Variants in CHST9 observed in about 807,000 individuals in gnomAD.
CHST9 encodes GalNAc-4-sulfotransferase 2.
In CHST9, 41 loss-of-function variants were observed where a neutral mutation model predicts 44.4. The ratio of observed to expected loss-of-function variants is 0.92; its 90% CI spans 0.72 to 1.20. The LOEUF is 1.20. Among genes scored for constraint, CHST9 ranks in the 50% most tolerant of loss-of-function variants. CHST9 has a pLI of 0.00. For synonymous variants in CHST9, 171 were observed against 178.4 expected, an observed-to-expected ratio of 0.96 and a Z score of 0.33; for missense variants, 504 against 516.5, an observed-to-expected ratio of 0.98 and a Z score of 0.23.
chr18:27,151,579 T>C (rs1226370318), intron 1 of CHST9, among the ~76,000 whole-genome samples: 2 of 152,212 alleles, frequency 1.3e-5, no homozygotes, highest in Non-Finnish European at 2.9e-5. Flanking sequence ...GGGAGATCAT[T>C]CTGGATCATC....
intron 1 of CHST9, among the ~76,000 whole-genome samples, chr18:27,171,677 G>T (rs1315148604): frequency 6.6e-6 from 1 of 151,986 alleles, no homozygotes; most frequent in Non-Finnish European, 1.5e-5. Flanking sequence ...TTCTAAACTG[G>T]TCAGTAAATA....
At chr18:27,147,485 G>A (rs2058622560) in intron 1 of CHST9, among the ~76,000 whole-genome samples, 1 of 152,064 alleles carries the variant, frequency 6.6e-6, no homozygotes, top group Non-Finnish European at 1.5e-5. Flanking sequence ...GTTCCCAGAT[G>A]AGTGTTGGTA....
chr18:27,157,198 T>C (rs2058704180), intron 1 of CHST9, among the ~76,000 whole-genome samples: 1 of 152,130 alleles, frequency 6.6e-6, no homozygotes. Context: ...GAAGATTGAT[T>C]TTTTTCCTTC....
chr18:26,913,366 T>G lies in CHST9; in HGVS notation c.*2893A>C, dbSNP rs458473. The G allele has an allele frequency of 4.1e-4, 63 of 152,254 alleles. No homozygotes were observed. Among genetic ancestry groups the G allele is most frequent in the African/African-American group, 1.5e-3 (63 of 41,546 alleles). 9.4% of individuals were successfully genotyped at this position (152,254 alleles called of 1,614,324 possible). A position where few individuals can be genotyped will look rare whatever the true frequency, so the allele number is the denominator to read the frequency against. On this transcript the variant is annotated 3_prime_UTR_variant, in exon 6 of 6. Coordinates refer to ENST00000618847, the MANE Select transcript of CHST9 (RefSeq NM_031422.6). ...CATTGAATTAATGGATATTTCCAAA[T>G]GTTTGAGAAAATCCGAAAACTGGAT...
intron 4 of CHST9, among the ~76,000 whole-genome samples, chr18:27,012,524 G>A (rs2057097418): frequency 6.6e-6 from 1 of 152,154 alleles, no homozygotes; most frequent in African/African-American, 2.4e-5. Flanking sequence ...TATCTCAGGG[G>A]TGGACGAGGC....
chr18:26,996,451 G>C (rs2056889266), intron 4 of CHST9, among the ~76,000 whole-genome samples: 1 of 152,158 alleles, frequency 6.6e-6, no homozygotes, highest in South Asian at 2.1e-4. Flanking sequence ...GTTCTTCAGA[G>C]ATCTGGTTGT....
chr18:27,077,049 T>C (rs2143666554), intron 2 of CHST9, among the ~76,000 whole-genome samples: 1 of 152,358 alleles, frequency 6.6e-6, no homozygotes, highest in South Asian at 2.1e-4. Context: ...GTTCTTATAA[T>C]GTGCATAAAA....
chr18:27,012,900 A>T (rs1270021763), intron 4 of CHST9, among the ~76,000 whole-genome samples: 1 of 152,218 alleles, frequency 6.6e-6, no homozygotes, highest in East Asian at 1.9e-4. Flanking sequence ...CTGGATATTA[A>T]ATTATATCTA....
intron 3 of CHST9, among the ~76,000 whole-genome samples, chr18:27,034,613 C>T (rs2057372581): frequency 1.3e-5 from 2 of 152,202 alleles, no homozygotes; most frequent in South Asian, 4.1e-4. Flanking sequence ...ATGCTCCAGC[C>T]ATGTCAACTT....
At chr18:27,158,842 T>C (rs530586545) in intron 1 of CHST9, among the ~76,000 whole-genome samples, 3 of 152,308 alleles carry the variant, frequency 2.0e-5, no homozygotes, top group Non-Finnish European at 2.9e-5. Context: ...GATTTGCATT[T>C]CTCTGATGGC....
At chr18:27,053,218 GGAAGAAGAAGAAGAA>G in intron 2 of CHST9, among the ~76,000 whole-genome samples, 1 of 32,324 alleles carries the variant, frequency 3.1e-5, no homozygotes, top group Non-Finnish European at 6.6e-5. Context: ...AGGAGGAAGA[GGAAGAAGAAGAAGAA>G]GAAGAAGAAG....
chr18:26,999,892 C>T (rs1154208), intron 4 of CHST9, among the ~76,000 whole-genome samples: 52,933 of 151,980 alleles, frequency 0.35, 9,838 homozygotes, highest in East Asian at 0.47. Flanking sequence ...GGTACTTAGA[C>T]GTTAAGTGGG....
intron 3 of CHST9, among the ~76,000 whole-genome samples, chr18:27,027,418 A>C (rs1266495099): frequency 6.6e-6 from 1 of 152,232 alleles, no homozygotes; most frequent in African/African-American, 2.4e-5. Context: ...GGATGCAAAG[A>C]AAAAAATAAT....
In CHST9 at chr18:26,914,974, CTT is replaced by C. The variant is rs35598737; in HGVS notation, c.*1283_*1284del. The C allele has an allele frequency of 6.2e-4, 245 of 396,040 alleles. No individual in the cohort carries two copies. The highest frequency in any genetic ancestry group is 4.2e-3 in the African/African-American group (201 of 48,324). The allele number at this position is 396,040 out of a possible 1,614,324, so 24.5% of individuals were successfully genotyped here. A position where few individuals can be genotyped will look rare whatever the true frequency, so the allele number is the denominator to read the frequency against. The stretch of plus-strand genomic sequence containing the variant: ...AAATGTTTCCCATCCAAAATGATCC[CTT>C]TTTTTTTCCCCAAGGGATCTAATTT... On this transcript the variant is annotated 3_prime_UTR_variant, in exon 6 of 6. Transcript: ENST00000618847.
At chr18:26,970,935 T>C (rs1367112175) in intron 4 of CHST9, among the ~76,000 whole-genome samples, 6 of 152,202 alleles carry the variant, frequency 3.9e-5, no homozygotes, top group South Asian at 2.1e-4. Context: ...TTGTTCCTTC[T>C]GGCAGAAATC....
At chr18:27,146,326 G>T (rs769097852) in intron 1 of CHST9, among the ~76,000 whole-genome samples, 4 of 152,172 alleles carry the variant, frequency 2.6e-5, no homozygotes, top group Non-Finnish European at 2.9e-5. Flanking sequence ...AGGCAGAAAG[G>T]CAATCTGGTG....
rs58874581 is a variant in CHST9 at position 27,037,314 on chromosome 18, A to G, written c.160+11151T>C. Among the ~76,000 whole-genome samples, 34 of 152,250 alleles carry G rather than the reference A, an allele frequency of 2.2e-4. No individual in the cohort carries two copies. In the East Asian group the frequency reaches 6.0e-3, roughly 27 times the overall value. Reference sequence around the variant, plus strand: ...ACGATAATGAATTTGATAATTTACTAGTGGAAAGGGTATGATGCCTAACTT... The same window carrying G: ...ACGATAATGAATTTGATAATTTACTGGTGGAAAGGGTATGATGCCTAACTT... On this transcript the variant is annotated intron_variant, in intron 3 of 5. Coordinates refer to ENST00000618847, the MANE Select transcript of CHST9 (RefSeq NM_031422.6).
At chr18:27,028,716 T>C (rs2057309226) in intron 3 of CHST9, among the ~76,000 whole-genome samples, 1 of 152,076 alleles carries the variant, frequency 6.6e-6, no homozygotes, top group African/African-American at 2.4e-5. Context: ...CCCGGCTACT[T>C]TTTTTGTATT....
At chr18:27,016,594 A>G (rs1021647392) in intron 4 of CHST9, among the ~76,000 whole-genome samples, 15 of 152,210 alleles carry the variant, frequency 9.9e-5, no homozygotes, top group African/African-American at 3.6e-4. Flanking sequence ...ACGTTTGCTC[A>G]CCACTGTATA....
Sources: allele counts gnomAD v4.1 joint callset (sites outside exome capture counted in the v4.1 genomes callset), GRCh38; gene constraint gnomAD v4.1.1; transcripts MANE v1.5; gene names NCBI Gene and HGNC (gene_info 2026-07-23, HGNC 2026-07-21).